FILIP1: variants seen among roughly 807,000 people sequenced by gnomAD.
FILIP1 encodes filamin A interacting protein 1.
A neutral mutation model predicts 102.1 loss-of-function variants in FILIP1; 61 were observed. The ratio of observed to expected loss-of-function variants is 0.60; its 90% CI spans 0.49 to 0.74. The LOEUF (loss-of-function observed/expected upper bound fraction) is 0.74, where lower values mean the gene tolerates loss of function less well. FILIP1 is among the 30% of genes least tolerant of loss of function. The pLI is 0.00. For synonymous variants in FILIP1, 491 were observed against 526.9 expected, an observed-to-expected ratio of 0.93 and a Z score of 0.93; for missense variants, 1,314 against 1,441.2, an observed-to-expected ratio of 0.91 and a Z score of 1.43.
chr6:75,471,597 A>G (rs955168786), intron 1 of FILIP1, among the ~76,000 whole-genome samples: 1 of 152,162 alleles, frequency 6.6e-6, no homozygotes, highest in African/African-American at 2.4e-5. Flanking sequence ...TAACTGTTGG[A>G]GTAGATATTG....
At chr6:75,468,571 A>C (rs886427826) in intron 1 of FILIP1, among the ~76,000 whole-genome samples, 1 of 152,266 alleles carries the variant, frequency 6.6e-6, no homozygotes, top group Non-Finnish European at 1.5e-5. Context: ...CATTTCTTGC[A>C]GAATGCAATA....
chr6:75,337,158 T>A (rs1319132981), intron 4 of FILIP1, among the ~76,000 whole-genome samples: 2 of 152,174 alleles, frequency 1.3e-5, no homozygotes. Context: ...CTGAAATGTA[T>A]ACCCCAATGT....
chr6:75,335,307 C>T (rs977392111), intron 4 of FILIP1, among the ~76,000 whole-genome samples: 2 of 152,038 alleles, frequency 1.3e-5, no homozygotes, highest in Non-Finnish European at 2.9e-5. Context: ...GAATTTTTTT[C>T]CCTAAGTGTT....
chr6:75,430,863 G>T (rs575109647), intron 1 of FILIP1, among the ~76,000 whole-genome samples: 2 of 152,324 alleles, frequency 1.3e-5, no homozygotes, highest in Admixed American at 1.3e-4. Context: ...GTCCCTAAGA[G>T]GGGAAAGTAA....
intron 4 of FILIP1, among the ~76,000 whole-genome samples, chr6:75,337,558 T>TG (rs1043037428): frequency 5.3e-5 from 8 of 151,618 alleles, no homozygotes; most frequent in African/African-American, 1.7e-4. Flanking sequence ...TTTTTTTTTT[T>TG]GTAGCAGAGC....
chr6:75,449,517 T>A lies in FILIP1; in HGVS notation c.-6-34539A>T, dbSNP rs373251321. Among the ~76,000 whole-genome samples, 13 of 152,248 alleles carry A rather than the reference T, an allele frequency of 8.5e-5. No homozygotes were observed. The South Asian group carries it at 2.1e-3, about 24-fold the overall frequency. On this transcript the variant is annotated intron_variant, in intron 1 of 5. Transcript: ENST00000237172. ...AAAAGATAAATGCCTTAGCTGGACA[T>A]GTGCCTGTAATCCCAGCTACTCAGG...
intron 1 of FILIP1, among the ~76,000 whole-genome samples, chr6:75,471,217 G>A (rs1779319426): frequency 6.8e-6 from 1 of 148,096 alleles, no homozygotes; most frequent in Non-Finnish European, 1.5e-5. Flanking sequence ...ATCAACCACA[G>A]GAGTATAAAA....
intron 2 of FILIP1, among the ~76,000 whole-genome samples, chr6:75,401,608 TGC>T (rs1467686305): frequency 3.3e-5 from 5 of 152,312 alleles, no homozygotes; most frequent in African/African-American, 1.2e-4. Flanking sequence ...TTCAAGAGTT[TGC>T]AAACCACATG....
intron 2 of FILIP1, among the ~76,000 whole-genome samples, chr6:75,413,873 G>A (rs1363941431): frequency 6.7e-6 from 1 of 150,330 alleles, no homozygotes; most frequent in Non-Finnish European, 1.5e-5. Flanking sequence ...CTTCCTGCCT[G>A]CCTCCTGGGT....
intron 2 of FILIP1, among the ~76,000 whole-genome samples, chr6:75,407,658 C>T (rs181544098): frequency 5.9e-5 from 9 of 152,198 alleles, no homozygotes; most frequent in Admixed American, 4.6e-4. Flanking sequence ...TGGAAAATAC[C>T]AACGCCAAAT....
chr6:75,397,537 GACACAC>G (rs59797690), intron 2 of FILIP1, among the ~76,000 whole-genome samples: 27,651 of 138,868 alleles, frequency 0.2, 2,839 homozygotes, highest in Middle Eastern at 0.31. Context: ...ACACATATAA[GACACAC>G]ACACACACAC....
chr6:75,437,129 T>C (rs1051241153), intron 1 of FILIP1, among the ~76,000 whole-genome samples: 1 of 152,178 alleles, frequency 6.6e-6, no homozygotes. Flanking sequence ...CTTGGAGAGA[T>C]ATACCAGATA....
At chr6:75,347,414 T>A (rs1471269965) in intron 4 of FILIP1, among the ~76,000 whole-genome samples, 1 of 152,258 alleles carries the variant, frequency 6.6e-6, no homozygotes, top group African/African-American at 2.4e-5. Flanking sequence ...AGAAGAAGGC[T>A]CAGTTGTTTT....
chr6:75,378,734 GACT>G (rs757268428), intron 2 of FILIP1, among the ~76,000 whole-genome samples: 1 of 152,130 alleles, frequency 6.6e-6, no homozygotes, highest in Non-Finnish European at 1.5e-5. Context: ...GTCCCTGAGT[GACT>G]ACATGGAACA....
At position 75,406,208 on chromosome 6, in the gene FILIP1, G is replaced by A. The variant is rs1282186371; in HGVS notation, c.276+8489C>T. Among the ~76,000 whole-genome samples the A allele has an allele frequency of 1.3e-5, 2 of 152,182 alleles. 1 individual carries two copies. Among genetic ancestry groups the A allele is most frequent in the African/African-American group, 4.8e-5 (2 of 41,508 alleles). ...AATCCTCACACCTTCAGACTATTTT[G>A]TGGGAAAGGAGGACCTCTTATTTGT... On this transcript the variant is annotated intron_variant, in intron 2 of 5. Coordinates refer to ENST00000237172, the MANE Select transcript of FILIP1 (RefSeq NM_015687.5).
At chr6:75,432,191 G>T (rs74775331) in intron 1 of FILIP1, among the ~76,000 whole-genome samples, 3,579 of 151,508 alleles carry the variant, frequency 0.024, 139 homozygotes, top group African/African-American at 0.083. Flanking sequence ...CATTGAAAAG[G>T]TGATTTTAGA....
chr6:75,442,275 C>T (rs1778289151), intron 1 of FILIP1, among the ~76,000 whole-genome samples: 1 of 151,552 alleles, frequency 6.6e-6, no homozygotes, highest in Non-Finnish European at 1.5e-5. Flanking sequence ...CCAGACTGGG[C>T]AGCCAGGCAG....
At chr6:75,459,320 T>C (rs1778942703) in intron 1 of FILIP1, among the ~76,000 whole-genome samples, 1 of 152,220 alleles carries the variant, frequency 6.6e-6, no homozygotes, top group Admixed American at 6.5e-5. Context: ...TCATTCAGCA[T>C]GTTATTAATT....
chr6:75,332,120 T>C (rs1774104384), intron 4 of FILIP1, among the ~76,000 whole-genome samples: 1 of 152,186 alleles, frequency 6.6e-6, no homozygotes, highest in Non-Finnish European at 1.5e-5. Flanking sequence ...ACCCAGCCTA[T>C]GGTACTTTGT....
Sources: allele counts gnomAD v4.1 joint callset (sites outside exome capture counted in the v4.1 genomes callset), GRCh38; gene constraint gnomAD v4.1.1; transcripts MANE v1.5; gene names NCBI Gene and HGNC (gene_info 2026-07-23, HGNC 2026-07-21).